The following ATP11A variants were observed in gnomAD, a reference collection of about 807,000 sequenced individuals.
ATP11A encodes ATPase phospholipid transporting 11A, also known as phospholipid-transporting ATPase IH.
Under a neutral mutation model 154.4 loss-of-function variants are expected in ATP11A, and 81 were observed. That is an observed-to-expected ratio of 0.52 (90% confidence interval 0.44 to 0.63). The LOEUF (loss-of-function observed/expected upper bound fraction) is 0.63. ATP11A is among the 30% of genes least tolerant of loss of function. The pLI, the probability that ATP11A is intolerant of heterozygous loss-of-function variation, is 0.00. For synonymous variants in ATP11A, 623 were observed against 585.9 expected, an observed-to-expected ratio of 1.06 and a Z score of -0.91; for missense variants, 1,316 against 1,474.3, an observed-to-expected ratio of 0.89 and a Z score of 1.76.
Position 112,804,964 on chromosome 13 carries a change from T to G in ATP11A, c.170T>G (p.Phe57Cys). ...TGTTTTTCTTTTATGCAGTACACAT[T>G]TTGGAACTTTATACCCAAGAATTTA... ...DNRIVSSKYT[F>C]WNFIPKNLFE... Residue 57 changes from phenylalanine to cysteine, a missense_variant, in exon 3 of 30, where the codon TTT (phenylalanine) becomes TGT (cysteine). This residue lies in a region of ATP11A where 123 missense variants were observed against 113.7 expected (regional missense o/e 1.08). Transcript: ENST00000375645. The G allele has an allele frequency of 6.2e-7, 1 of 1,603,114 alleles. No homozygotes were observed. Among genetic ancestry groups the G allele is most frequent in the Non-Finnish European group, 8.5e-7 (1 of 1,173,120 alleles).
At chr13:112,691,483 G>GGGGT (rs1555299698) in intron 1 of ATP11A, among the ~76,000 whole-genome samples, 22 of 125,128 alleles carry the variant, frequency 1.8e-4, no homozygotes, top group Admixed American at 3.5e-4. Flanking sequence ...AAAAAAAAAG[G>GGGGT]GTGTGTGTGT....
chr13:112,879,017 G>C (rs550367204), intron 29 of ATP11A, among the ~76,000 whole-genome samples: 2 of 152,152 alleles, frequency 1.3e-5, no homozygotes, highest in Non-Finnish European at 2.9e-5. Flanking sequence ...ATGTAGAGGC[G>C]TTCACACGCC....
At chr13:112,775,621 G>A (rs2077329732) in intron 1 of ATP11A, among the ~76,000 whole-genome samples, 1 of 152,136 alleles carries the variant, frequency 6.6e-6, no homozygotes, top group South Asian at 2.1e-4. Flanking sequence ...AAATTGGTTG[G>A]TACAAATATA....
At position 112,856,090 on chromosome 13, in the gene ATP11A, T is replaced by C; in HGVS notation, c.2418+5T>C. 1 of 1,609,228 alleles carries C rather than the reference T, an allele frequency of 6.2e-7. No homozygotes were observed. Among genetic ancestry groups the C allele is most frequent in the East Asian group, 2.2e-5 (1 of 44,826 alleles). On this transcript the variant is annotated splice_donor_5th_base_variant and intron_variant, in intron 20 of 29. Transcript: ENST00000375645. ...GCGCCCTTGCAGAAGGCTCAGGTGCTGCCCGCCCGTCCTCGATAGCTGGTG... is the reference window on the plus strand; with the variant it reads ...GCGCCCTTGCAGAAGGCTCAGGTGCCGCCCGCCCGTCCTCGATAGCTGGTG...
At chr13:112,834,787 C>G (rs2079187981) in intron 15 of ATP11A, 127 bp downstream of exon 15, 2 of 698,160 alleles carry the variant, frequency 2.9e-6, no homozygotes, top group Non-Finnish European at 5.0e-6. Context: ...CTCTCCTTCC[C>G]AGTGACACCC....
intron 29 of ATP11A, chr13:112,880,747 G>T: frequency 1.7e-6 from 2 of 1,166,556 alleles, no homozygotes; most frequent in African/African-American, 1.6e-5. Flanking sequence ...TGATAACAAA[G>T]GTTCACGGTG....
At chr13:112,843,050 A>C (rs2079470478) in intron 17 of ATP11A, among the ~76,000 whole-genome samples, 1 of 152,138 alleles carries the variant, frequency 6.6e-6, no homozygotes, top group African/African-American at 2.4e-5. Flanking sequence ...CAGACACCTT[A>C]ACTCCGGGTG....
chr13:112,802,552 CAAAAAAA>C (rs35889771), intron 2 of ATP11A, among the ~76,000 whole-genome samples: 2 of 80,940 alleles, frequency 2.5e-5, no homozygotes, highest in Non-Finnish European at 4.9e-5. Context: ...ACTGGACATG[CAAAAAAA>C]AAAAAAAAAA....
Position 112,883,979 on chromosome 13 carries a change from A to G in ATP11A, c.*2113A>G, listed in dbSNP as rs911450357. 2.0e-5 allele frequency: 3 copies of G among 152,554 alleles called. No individual in the cohort carries two copies. Among genetic ancestry groups the G allele is most frequent in the Non-Finnish European group, 4.4e-5 (3 of 68,036 alleles). 9.5% of individuals were successfully genotyped at this position (152,554 alleles called of 1,614,324 possible). A position where few individuals can be genotyped will look rare whatever the true frequency, so the allele number is the denominator to read the frequency against. On this transcript the variant is annotated 3_prime_UTR_variant, in exon 30 of 30. Coordinates refer to ENST00000375645, the MANE Select transcript of ATP11A (RefSeq NM_015205.3). ...CACTGAAGTATTTTCATAGCTGTTT[A>G]TATCTCTTTTATTCATTTATTTAAC...
At chr13:112,711,937 C>T (rs1171976011) in intron 1 of ATP11A, among the ~76,000 whole-genome samples, 1 of 152,148 alleles carries the variant, frequency 6.6e-6, no homozygotes, top group Admixed American at 6.5e-5. Context: ...AGGGGAGAGG[C>T]CTTAGTTAAT....
At chr13:112,791,285 G>A (rs992644998) in intron 2 of ATP11A, among the ~76,000 whole-genome samples, 8 of 152,228 alleles carry the variant, frequency 5.3e-5, no homozygotes, top group Non-Finnish European at 7.3e-5. Context: ...GTGGAACCGC[G>A]GCGCCCCCTG....
At chr13:112,780,955 T>A (rs1340654895) in intron 1 of ATP11A, among the ~76,000 whole-genome samples, 1 of 152,156 alleles carries the variant, frequency 6.6e-6, no homozygotes, top group Non-Finnish European at 1.5e-5. Context: ...TCCATCCTCC[T>A]GCCCTGGAGA....
At chr13:112,840,614 G>C (rs2079385111) in intron 16 of ATP11A, among the ~76,000 whole-genome samples, 1 of 150,802 alleles carries the variant, frequency 6.6e-6, no homozygotes, top group Non-Finnish European at 1.5e-5. Context: ...GCACTGGTTT[G>C]CTGCATGTAT....
intron 2 of ATP11A, among the ~76,000 whole-genome samples, chr13:112,793,572 C>T (rs2077918414): frequency 6.6e-6 from 1 of 152,216 alleles, no homozygotes; most frequent in Non-Finnish European, 1.5e-5. Context: ...ACCATCCTGG[C>T]ATAATTTTCT....
chr13:112,703,903 C>G (rs1321044094), intron 1 of ATP11A, among the ~76,000 whole-genome samples: 1 of 152,184 alleles, frequency 6.6e-6, no homozygotes, highest in African/African-American at 2.4e-5. Flanking sequence ...GGCCTGTCTG[C>G]TCAGTAAACT....
intron 1 of ATP11A, among the ~76,000 whole-genome samples, chr13:112,735,921 T>C (rs1027852478): frequency 1.3e-5 from 2 of 152,236 alleles, no homozygotes; most frequent in African/African-American, 4.8e-5. Context: ...CATGCCTCCG[T>C]GTGCGCATGC....
chr13:112,691,483 G>GGTGTGTGT lies in ATP11A; in HGVS notation c.39+1045_39+1052dup, dbSNP rs58956060. On this transcript the variant is annotated intron_variant, in intron 1 of 29. Transcript: ENST00000375645. Reference sequence around the variant, plus strand: ...TGTATCAAAAAAAAAAAAAAAAAAGGGTGTGTGTGTGTGTGTGTGTGTGTA... The same window carrying GGTGTGTGT: ...TGTATCAAAAAAAAAAAAAAAAAAGGGTGTGTGTGTGTGTGTGTGTGTGTGTGTGTGTA... 5.4e-3 allele frequency among the ~76,000 whole-genome samples: 676 copies of GGTGTGTGT among 125,108 alleles called. 9 individuals carry two copies. The highest frequency in any genetic ancestry group is 0.018 in the African/African-American group (599 of 33,318). The allele number at this position is 125,108 out of a possible 152,430, so 82.1% of individuals were successfully genotyped here.
chr13:112,812,362 C>A (rs536027928), intron 5 of ATP11A, among the ~76,000 whole-genome samples: 1 of 152,324 alleles, frequency 6.6e-6, no homozygotes, highest in South Asian at 2.1e-4. Context: ...TTCCAACTCC[C>A]ACGCCTCCCT....
At chr13:112,728,671 A>G (rs1481994290) in intron 1 of ATP11A, among the ~76,000 whole-genome samples, 1 of 141,470 alleles carries the variant, frequency 7.1e-6, no homozygotes, top group Non-Finnish European at 1.5e-5. Context: ...CCACGCGTGG[A>G]GGGGCCGTGA....
Sources: allele counts gnomAD v4.1 joint callset (sites outside exome capture counted in the v4.1 genomes callset), GRCh38; gene constraint gnomAD v4.1.1; regional missense constraint gnomAD v4.1.1; transcripts MANE v1.5; gene names NCBI Gene and HGNC (gene_info 2026-07-23, HGNC 2026-07-21).